PDCL2: variants seen among roughly 807,000 people sequenced by gnomAD.
PDCL2 encodes phosducin like 2, also known as phosducin-like protein 2.
Under a neutral mutation model 30.3 loss-of-function variants are expected in PDCL2, and 23 were observed. The observed-to-expected ratio is 0.76, with a 90% CI of 0.55 to 1.08. PDCL2 has a LOEUF of 1.08. Ranked by LOEUF, PDCL2 falls within the 50% of genes least tolerant of loss-of-function variation. PDCL2 has a pLI of 0.00. For synonymous variants in PDCL2, 68 were observed against 86.2 expected, an observed-to-expected ratio of 0.79 and a Z score of 1.17; for missense variants, 243 against 282.3, an observed-to-expected ratio of 0.86 and a Z score of 1.00.
At chr4:55,586,264 T>A (rs2110168688) in intron 1 of PDCL2, among the ~76,000 whole-genome samples, 1 of 152,350 alleles carries the variant, frequency 6.6e-6, no homozygotes, top group Admixed American at 6.5e-5. Flanking sequence ...GTTTGTTAAT[T>A]TTCTAAGATT....
chr4:55,564,926 G>A (rs1036425372), intron 4 of PDCL2, among the ~76,000 whole-genome samples: 2 of 152,156 alleles, frequency 1.3e-5, no homozygotes, highest in African/African-American at 4.8e-5. Flanking sequence ...AAACTGCCCC[G>A]AATCATTCCT....
At chr4:55,585,732 G>A (rs987266420) in intron 1 of PDCL2, among the ~76,000 whole-genome samples, 1 of 152,084 alleles carries the variant, frequency 6.6e-6, no homozygotes, top group Non-Finnish European at 1.5e-5. Flanking sequence ...TTTGTTATTG[G>A]TCTGTTTAGA....
At position 55,588,214 on chromosome 4, in the gene PDCL2, C is replaced by T. The variant is rs553016454; in HGVS notation, c.6+3890G>A. Among the ~76,000 whole-genome samples the T allele has an allele frequency of 5.9e-5, 9 of 152,316 alleles. 1 individual carries two copies. The South Asian group carries it at 1.7e-3, about 28-fold the overall frequency. On this transcript the variant is annotated intron_variant, in intron 1 of 5. Transcript: ENST00000295645. ...TAGCTACAAAGACACAAGCTACACA[C>T]CTCCCTCACAATTTGCCCAAAAGGA...
At chr4:55,582,965 C>T (rs1318745430) in intron 1 of PDCL2, among the ~76,000 whole-genome samples, 1 of 151,950 alleles carries the variant, frequency 6.6e-6, no homozygotes, top group Non-Finnish European at 1.5e-5. Context: ...CATAGTATTC[C>T]CTTTTATTTT....
In PDCL2 at chr4:55,580,878, A is replaced by T; in HGVS notation, c.161T>A (p.Leu54Gln). The change falls in exon 3 of 6, where the codon CTA becomes CAA. Residue 54 changes from leucine (L) to glutamine (Q), a missense_variant. Physicochemically the swap from Leu to Gln is moderately radical, Grantham distance 113. Transcript: ENST00000295645. ...ATCAAATTCATCTTCAGCTTCCTTT[A>T]GCTGTGCAAGAGTCATCTTTTCAAA... is the stretch of plus-strand genomic sequence containing the variant. ...KPFEKMTLAQ[L>Q]KEAEDEFDEE... 1 of 1,610,888 alleles carries T rather than the reference A, an allele frequency of 6.2e-7. No individual in the cohort carries two copies. Among genetic ancestry groups the T allele is most frequent in the Non-Finnish European group, 8.5e-7 (1 of 1,178,708 alleles).
At chr4:55,587,704 CA>C (rs1258778771) in intron 1 of PDCL2, among the ~76,000 whole-genome samples, 1 of 151,808 alleles carries the variant, frequency 6.6e-6, no homozygotes, top group African/African-American at 2.4e-5. Context: ...TACAGATGCC[CA>C]CCACCACACC....
At chr4:55,576,883 A>G (rs1216994999) in intron 3 of PDCL2, among the ~76,000 whole-genome samples, 1 of 149,934 alleles carries the variant, frequency 6.7e-6, no homozygotes, top group African/African-American at 2.5e-5. Flanking sequence ...TAAAAAAAGC[A>G]TGTTCCAGAT....
chr4:55,590,305 G>T (rs936435804), intron 1 of PDCL2, among the ~76,000 whole-genome samples: 1 of 150,294 alleles, frequency 6.7e-6, no homozygotes, highest in African/African-American at 2.4e-5. Context: ...GTTTGGCGAG[G>T]CCCCATCTCT....
intron 4 of PDCL2, among the ~76,000 whole-genome samples, chr4:55,565,626 G>A (rs1181758238): frequency 1.3e-5 from 2 of 152,110 alleles, no homozygotes; most frequent in African/African-American, 4.8e-5. Flanking sequence ...GGGAAATACA[G>A]TTCAAGATGA....
rs1371710898 is a variant in PDCL2, at chr4:55,569,800, C to A, written c.280G>T (p.Glu94Ter). ...KKKQKFGELR[E>*]ISGNQYVNEV... ...TTCACATACTGATTTCCAGAAATTT[C>A]TCTTAATTCTCCAAATTTTTGTTTT... Residue 94 changes from glutamate (E) to a stop codon, truncating the protein, a stop_gained, in exon 4 of 6, where the codon GAA becomes TAA. Coordinates refer to ENST00000295645, the MANE Select transcript of PDCL2 (RefSeq NM_152401.3). LOFTEE classifies it high-confidence loss of function. 2 of 1,562,292 alleles carry A rather than the reference C, an allele frequency of 1.3e-6. No individual in the cohort carries two copies. Among genetic ancestry groups the A allele is most frequent in the Non-Finnish European group, 8.7e-7 (1 of 1,152,056 alleles).
At position 55,573,762 on chromosome 4, in the gene PDCL2, CA is replaced by C. The variant is rs900033345; in HGVS notation, c.219-3902del. Among the ~76,000 whole-genome samples, 18 of 147,478 alleles carry C rather than the reference CA, an allele frequency of 1.2e-4. No individual in the cohort carries two copies. The South Asian group carries it at 1.5e-3, about 12-fold the overall frequency. The stretch of plus-strand genomic sequence containing the variant: ...CAAGACTCTGTCCTCCTCTCCCCCA[CA>C]AAAAAAAACAGACATGATAGTGAAC... On this transcript the variant is annotated intron_variant, in intron 3 of 5. Transcript: ENST00000295645.
intron 1 of PDCL2, among the ~76,000 whole-genome samples, chr4:55,588,913 A>G (rs1323967531): frequency 1.3e-5 from 2 of 150,858 alleles, no homozygotes; most frequent in Admixed American, 1.3e-4. Flanking sequence ...GCTGGAGTAC[A>G]GTGGCGTGAT....
chr4:55,582,778 C>T (rs1370648529), intron 1 of PDCL2, among the ~76,000 whole-genome samples: 1 of 147,454 alleles, frequency 6.8e-6, no homozygotes, highest in Non-Finnish European at 1.5e-5. Flanking sequence ...CATGACAGGC[C>T]CCGGTGTGTG....
In PDCL2 at chr4:55,582,116, C is replaced by A; in HGVS notation, c.127+1G>T. On this transcript the variant is annotated splice_donor_variant, in intron 2 of 5. Transcript: ENST00000295645. LOFTEE classifies it high-confidence loss of function. ...CCAGCCCACCAAATCTACGACCATA[C>A]CCATTGCTTCTTTCTGTAAACGTAA... is the stretch of plus-strand genomic sequence containing the variant. The A allele has an allele frequency of 1.2e-6, 2 of 1,612,718 alleles. No individual in the cohort carries two copies. The highest frequency in any genetic ancestry group is 1.7e-6 in the Non-Finnish European group (2 of 1,179,640).
At chr4:55,558,367 G>C (rs1418540286) in intron 5 of PDCL2, among the ~76,000 whole-genome samples, 1 of 151,988 alleles carries the variant, frequency 6.6e-6, no homozygotes, top group Non-Finnish European at 1.5e-5. Flanking sequence ...AAGATCTGAT[G>C]GTTTTATAAG....
rs763438532 is a variant in PDCL2, at chr4:55,556,524, A to C, written c.*33T>G. On this transcript the variant is annotated 3_prime_UTR_variant, in exon 6 of 6. Transcript: ENST00000295645. ...GTCATAAGTAAAACATTCAGTACAC[A>C]TATACTAAAAGCTATTTATTGAATA... The C allele has an allele frequency of 1.4e-6, 2 of 1,415,002 alleles. No individual in the cohort carries two copies. The highest frequency in any genetic ancestry group is 1.9e-6 in the Non-Finnish European group (2 of 1,056,750). 87.7% of individuals were successfully genotyped at this position (1,415,002 alleles called of 1,614,324 possible).
At chr4:55,563,833 G>C (rs111732824) in intron 4 of PDCL2, among the ~76,000 whole-genome samples, 1 of 152,180 alleles carries the variant, frequency 6.6e-6, no homozygotes, top group African/African-American at 2.4e-5. Context: ...CAAAAGTGGT[G>C]TTGTTATGTA....
chr4:55,573,951 T>C (rs1291994046), intron 3 of PDCL2, among the ~76,000 whole-genome samples: 1 of 151,604 alleles, frequency 6.6e-6, no homozygotes, highest in African/African-American at 2.4e-5. Flanking sequence ...TGGAGTGCAG[T>C]GGCATGGTCT....
At chr4:55,573,469 G>C (rs1732483031) in intron 3 of PDCL2, among the ~76,000 whole-genome samples, 1 of 152,124 alleles carries the variant, frequency 6.6e-6, no homozygotes, top group African/African-American at 2.4e-5. Context: ...CAGAGATGAG[G>C]CCTGGCGTCA....
Sources: allele counts gnomAD v4.1 joint callset (sites outside exome capture counted in the v4.1 genomes callset), GRCh38; gene constraint gnomAD v4.1.1; transcripts MANE v1.5; gene names NCBI Gene and HGNC (gene_info 2026-07-23, HGNC 2026-07-21).